BST1: variants seen among roughly 807,000 people sequenced by gnomAD.
The protein encoded by BST1 is bone marrow stromal cell antigen 1, also known as ADP-ribosyl cyclase/cyclic ADP-ribose hydrolase 2.
Under a neutral mutation model 40.6 loss-of-function variants are expected in BST1, and 49 were observed. The ratio of observed to expected loss-of-function variants is 1.21; its 90% confidence interval spans 0.96 to 1.53. The LOEUF (loss-of-function observed/expected upper bound fraction) is 1.53. Among genes scored for constraint, BST1 ranks in the 40% most tolerant of loss-of-function variants. The pLI is 0.00. For missense variants in BST1, 423 were observed against 395.9 expected (o/e 1.07, Z -0.58); for synonymous variants, 157 against 159.3 (o/e 0.99, Z 0.11).
chr4:15,710,064 C>T (rs1401631833), intron 3 of BST1, among the ~76,000 whole-genome samples: 1 of 152,098 alleles, frequency 6.6e-6, no homozygotes, highest in African/African-American at 2.4e-5. Flanking sequence ...CCTTGAACTC[C>T]TGTGCTCAAG....
intron 3 of BST1, among the ~76,000 whole-genome samples, chr4:15,709,431 C>G (rs927413678): frequency 6.6e-6 from 1 of 152,212 alleles, no homozygotes; most frequent in African/African-American, 2.4e-5. Flanking sequence ...CTCTGCTTTT[C>G]ACTGTGAGTG....
chr4:15,740,610 G>C (rs956750055), downstream of BST1, among the ~76,000 whole-genome samples: 1 of 152,110 alleles, frequency 6.6e-6, no homozygotes, highest in African/African-American at 2.4e-5. Context: ...CTCAACTACT[G>C]AGTTTGTCTT....
intron 7 of BST1, among the ~76,000 whole-genome samples, chr4:15,721,953 T>C (rs921881007): frequency 6.6e-6 from 1 of 152,176 alleles, no homozygotes; most frequent in Non-Finnish European, 1.5e-5. Flanking sequence ...AGAGATCCTG[T>C]CTAGGCTTGC....
At chr4:15,707,855 C>CTCTCTCTATATATA (rs544633858) in intron 3 of BST1, among the ~76,000 whole-genome samples, 34 of 128,626 alleles carry the variant, frequency 2.6e-4, no homozygotes, top group Non-Finnish European at 3.4e-4. Flanking sequence ...CTCTCTCTCT[C>CTCTCTCTATATATA]TATATATATA....
At chr4:15,768,634 C>T in the BST1 span, among the ~76,000 whole-genome samples, 2 of 151,978 alleles carry the variant, frequency 1.3e-5, no homozygotes, top group African/African-American at 4.8e-5. Context: ...GCTGGGACTA[C>T]AGGCGCCCGC....
At chr4:15,737,514 C>T (rs113807131), downstream of BST1, among the ~76,000 whole-genome samples, 3,029 of 152,300 alleles carry the variant, frequency 0.02, 41 homozygotes, top group Middle Eastern at 0.054. Context: ...AAACCAGCCT[C>T]GTGTGTCTTC....
At chr4:15,717,497 C>T (rs1720579082) in intron 6 of BST1, among the ~76,000 whole-genome samples, 1 of 152,150 alleles carries the variant, frequency 6.6e-6, no homozygotes, top group South Asian at 2.1e-4. Context: ...TGAAAGTGGG[C>T]AAGAATCACT....
In BST1 at chr4:15,731,928, G is replaced by T; in HGVS notation, c.*83G>T. On this transcript the variant is annotated 3_prime_UTR_variant, in exon 9 of 9. Coordinates refer to ENST00000265016, the MANE Select transcript of BST1 (RefSeq NM_004334.3). Reference sequence around the variant, plus strand: ...CATTCGTGTTCTGTGTATACCAAATGATTCTGTTATCTAAAGAAGCTTTTT... The same window carrying T: ...CATTCGTGTTCTGTGTATACCAAATTATTCTGTTATCTAAAGAAGCTTTTT... 2 of 1,449,822 alleles carry T rather than the reference G, an allele frequency of 1.4e-6. No homozygotes were observed. The highest frequency in any genetic ancestry group is 2.5e-5 in the East Asian group (1 of 39,270). The allele number at this position is 1,449,822 out of a possible 1,614,324, so 89.8% of individuals were successfully genotyped here. A position where few individuals can be genotyped will look rare whatever the true frequency, so the allele number is the denominator to read the frequency against.
chr4:15,753,586 AG>A, the BST1 span, among the ~76,000 whole-genome samples: 1 of 152,220 alleles, frequency 6.6e-6, no homozygotes, highest in Non-Finnish European at 1.5e-5. Flanking sequence ...AGCCACAAAC[AG>A]TATTGGGATA....
chr4:15,722,352 C>T (rs1720851448), intron 7 of BST1, among the ~76,000 whole-genome samples: 1 of 152,204 alleles, frequency 6.6e-6, no homozygotes, highest in Non-Finnish European at 1.5e-5. Flanking sequence ...GATTACATGA[C>T]ATGATCCTTA....
At chr4:15,704,941 ACC>A (rs1719794318) in intron 1 of BST1, 4 of 776,092 alleles carry the variant, frequency 5.2e-6, no homozygotes, top group Non-Finnish European at 9.6e-6. Flanking sequence ...ACAGCAGAGA[ACC>A]ACCTGTGTTA....
Position 15,731,724 on chromosome 4 carries a change from C to T in BST1, c.852-16C>T, listed in dbSNP as rs971060151. On this transcript the variant is annotated splice_polypyrimidine_tract_variant and intron_variant, in intron 8 of 8. Coordinates refer to ENST00000265016, the MANE Select transcript of BST1 (RefSeq NM_004334.3). The stretch of plus-strand genomic sequence containing the variant: ...ACCAATACTGACACTTTCTCTATTT[C>T]CTTGTTAATTTGCAGGGCAGCAGCC... 6.2e-7 allele frequency: 1 copy of T among 1,605,944 alleles called. No homozygotes were observed.
chr4:15,757,572 T>G, the BST1 span, among the ~76,000 whole-genome samples: 1 of 151,984 alleles, frequency 6.6e-6, no homozygotes, highest in African/African-American at 2.4e-5. Context: ...CTTCACTCCC[T>G]CTTCACCATT....
chr4:15,721,667 GA>G (rs1720816093), intron 7 of BST1, among the ~76,000 whole-genome samples: 1 of 136,788 alleles, frequency 7.3e-6, no homozygotes, highest in South Asian at 2.8e-4. Context: ...GGGGTAGGGG[GA>G]GGGGGGAGGG....
chr4:15,733,621 C>T (rs908001684), downstream of BST1, among the ~76,000 whole-genome samples: 15 of 152,308 alleles, frequency 9.8e-5, no homozygotes, highest in African/African-American at 2.6e-4. Flanking sequence ...AACTTACGAT[C>T]ATCATGGAAG....
At chr4:15,705,479 A>G (rs768237309) in intron 1 of BST1, 36 bp from the exon 2 acceptor site, 1 of 1,540,664 alleles carries the variant, frequency 6.5e-7, no homozygotes. Flanking sequence ...TATGATGTGC[A>G]TGTGTGTGTT....
At chr4:15,738,391 C>T (rs764463712), downstream of BST1, 2 of 152,454 alleles carry the variant, frequency 1.3e-5, no homozygotes, top group Admixed American at 6.5e-5. Context: ...ATAAGAGAGT[C>T]GGTCAGTCTG....
the BST1 span, among the ~76,000 whole-genome samples, chr4:15,771,659 G>A: frequency 7.0e-3 from 1,073 of 152,308 alleles, 15 homozygotes; most frequent in African/African-American, 0.024. Flanking sequence ...CTCAGCTACC[G>A]TCAGTGAGAG....
intron 3 of BST1, among the ~76,000 whole-genome samples, chr4:15,709,759 T>C (rs1165028909): frequency 6.6e-6 from 1 of 152,132 alleles, no homozygotes; most frequent in Non-Finnish European, 1.5e-5. Context: ...GCAATGGTGA[T>C]GGGGTTTTTT....
Sources: gnomAD v4.1 joint callset for allele counts (sites outside exome capture counted in the v4.1 genomes callset) on GRCh38, gnomAD v4.1.1 for gene constraint, MANE v1.5 for transcripts, NCBI Gene and HGNC (gene_info 2026-07-23, HGNC 2026-07-21) for gene names.